Variants in SIRT5 observed in about 807,000 individuals in gnomAD.
SIRT5 encodes the protein sirtuin 5, also known as NAD-dependent protein deacylase sirtuin-5, mitochondrial.
Under a neutral mutation model 40.0 loss-of-function variants are expected in SIRT5, and 26 were observed. The observed-to-expected ratio is 0.65, with a 90% CI of 0.48 to 0.90. The LOEUF is 0.90. Ranked by LOEUF, SIRT5 falls within the 40% of genes least tolerant of loss-of-function variation. The pLI is 0.00. For synonymous variants in SIRT5, 146 were observed against 149.1 expected (o/e 0.98, Z 0.15); for missense variants, 401 against 402.4 (o/e 1.00, Z 0.03).
chr6:13,593,588 A>G (rs141690342), intron 5 of SIRT5, among the ~76,000 whole-genome samples: 266 of 152,270 alleles, frequency 1.7e-3, no homozygotes, highest in African/African-American at 6.0e-3. Flanking sequence ...TAAAATTTCA[A>G]ACGATGAGAA....
chr6:13,583,062 C>T (rs184835257), intron 2 of SIRT5, among the ~76,000 whole-genome samples: 2,232 of 151,818 alleles, frequency 0.015, 28 homozygotes, highest in Non-Finnish European at 0.02. Flanking sequence ...AAAAATTAGC[C>T]GGGCATGGTG....
chr6:13,587,270 G>A lies in SIRT5; in HGVS notation c.116-1061G>A, dbSNP rs561621027. ...GGCTCTCTGTTCTCCTCCTGGCAGC[G>A]TATGTTCAGTGTTGTACCCCTTAAT... On this transcript the variant is annotated intron_variant, in intron 3 of 9. Coordinates refer to ENST00000606117, the MANE Select transcript of SIRT5 (RefSeq NM_012241.5). Among the ~76,000 whole-genome samples, 19 of 152,298 alleles carry A rather than the reference G, an allele frequency of 1.2e-4. No individual in the cohort carries two copies. In the East Asian group the frequency reaches 2.3e-3, roughly 19 times the overall value.
intron 8 of SIRT5, among the ~76,000 whole-genome samples, chr6:13,600,532 A>C (rs1397984411): frequency 2.0e-5 from 3 of 152,238 alleles, no homozygotes. Flanking sequence ...CATTTGTTTA[A>C]CTTTAAAAAG....
intron 3 of SIRT5, among the ~76,000 whole-genome samples, chr6:13,585,515 A>G (rs1759957597): frequency 6.6e-6 from 1 of 151,910 alleles, no homozygotes; most frequent in Non-Finnish European, 1.5e-5. Flanking sequence ...TCCTTGCGAT[A>G]GTTTTCTGAG....
At chr6:13,582,735 G>A (rs1017273967) in intron 2 of SIRT5, among the ~76,000 whole-genome samples, 1 of 151,472 alleles carries the variant, frequency 6.6e-6, no homozygotes, top group Non-Finnish European at 1.5e-5. Flanking sequence ...TGTTCCAAAT[G>A]TTGTCTTTCT....
intron 1 of SIRT5, among the ~76,000 whole-genome samples, chr6:13,576,055 G>A (rs182014951): frequency 1.2e-3 from 181 of 152,314 alleles, no homozygotes; most frequent in African/African-American, 4.2e-3. Context: ...CCGGTCCTCA[G>A]TTGATGGATA....
At chr6:13,576,476 T>G (rs2328676) in intron 1 of SIRT5, among the ~76,000 whole-genome samples, 42,718 of 152,128 alleles carry the variant, frequency 0.28, 6,213 homozygotes, top group Admixed American at 0.32. Flanking sequence ...GTTCAGGTTC[T>G]TTGTCCATTT....
At chr6:13,575,412 C>T (rs1048575366) in intron 1 of SIRT5, among the ~76,000 whole-genome samples, 1 of 151,990 alleles carries the variant, frequency 6.6e-6, no homozygotes. Context: ...AGTGGAGACA[C>T]CTGGGAGTGA....
At chr6:13,609,247 C>A (rs1763526778) in intron 9 of SIRT5, among the ~76,000 whole-genome samples, 1 of 152,126 alleles carries the variant, frequency 6.6e-6, no homozygotes, top group Non-Finnish European at 1.5e-5. Flanking sequence ...CTCCTGTAGT[C>A]ACCATAAACA....
intron 1 of SIRT5, among the ~76,000 whole-genome samples, chr6:13,577,475 T>A (rs1445094176): frequency 6.6e-6 from 1 of 151,866 alleles, no homozygotes; most frequent in Non-Finnish European, 1.5e-5. Context: ...ACACCACTGA[T>A]TTTTATATGT....
At chr6:13,588,776 A>C (rs780956666) in intron 4 of SIRT5, among the ~76,000 whole-genome samples, 1 of 152,220 alleles carries the variant, frequency 6.6e-6, no homozygotes, top group Non-Finnish European at 1.5e-5. Context: ...TTCTAAAATT[A>C]TTGAACTCAA....
At position 13,613,364 on chromosome 6, in the gene SIRT5, TTAGGGGCCTTGGAATGCCTGCTG is replaced by T. The variant is rs2127750367; in HGVS notation, c.*1501_*1523del. On this transcript the variant is annotated 3_prime_UTR_variant, in exon 10 of 10. Transcript: ENST00000606117. The stretch of plus-strand genomic sequence containing the variant: ...TAACCTTTACCAGCTAACTCAGTGC[TTAGGGGCCTTGGAATGCCTGCTG>T]TCCAGCAGGTGTCACAGGCCTGACT... 6.6e-6 allele frequency: 1 copy of T among 152,366 alleles called. No individual in the cohort carries two copies. Among genetic ancestry groups the T allele is most frequent in the South Asian group, 2.1e-4 (1 of 4,826 alleles). The allele number at this position is 152,366 out of a possible 1,614,324, so 9.4% of individuals were successfully genotyped here. A position where few individuals can be genotyped will look rare whatever the true frequency, so the allele number is the denominator to read the frequency against.
chr6:13,600,426 T>C (rs940918330), intron 8 of SIRT5, among the ~76,000 whole-genome samples: 2 of 152,240 alleles, frequency 1.3e-5, no homozygotes, highest in African/African-American at 2.4e-5. Flanking sequence ...ACAGTGGTTA[T>C]CTTGCGGTAA....
chr6:13,589,411 T>C (rs1760517475), intron 4 of SIRT5: 2 of 152,380 alleles, frequency 1.3e-5, no homozygotes, highest in South Asian at 4.1e-4. Context: ...ATTACAGGCA[T>C]GAGCCACCGC....
intron 3 of SIRT5, 67 bp from the exon 4 acceptor site, chr6:13,588,260 TACAG>T: frequency 1.3e-6 from 2 of 1,548,298 alleles, no homozygotes; most frequent in Non-Finnish European, 1.7e-6. Flanking sequence ...AGTTTCAAGA[TACAG>T]ACAATTGATA....
At chr6:13,592,267 G>C (rs1761016468) in intron 5 of SIRT5, among the ~76,000 whole-genome samples, 1 of 152,178 alleles carries the variant, frequency 6.6e-6, no homozygotes, top group South Asian at 2.1e-4. Flanking sequence ...TGGCTGGCGT[G>C]CTTTTTATAC....
chr6:13,599,397 C>G (rs1045797437), intron 8 of SIRT5, among the ~76,000 whole-genome samples: 13 of 152,140 alleles, frequency 8.5e-5, no homozygotes, highest in African/African-American at 2.9e-4. Flanking sequence ...TTGGGCATCT[C>G]AAAGCCTCCT....
Position 13,605,607 on chromosome 6 carries a change from G to A in SIRT5, c.857+4658G>A, listed in dbSNP as rs946519944. The stretch of plus-strand genomic sequence containing the variant: ...CATAGAATTCTCCTCCCACAGGAAT[G>A]TATTTCTATTTTCAAGGTGTTAATT... On this transcript the variant is annotated intron_variant, in intron 9 of 9. Transcript: ENST00000606117. 3 of 985,286 alleles carry A rather than the reference G, an allele frequency of 3.0e-6. No homozygotes were observed. The African/African-American group carries it at 5.2e-5, about 17-fold the overall frequency. The allele number at this position is 985,286 out of a possible 1,614,324, so 61.0% of individuals were successfully genotyped here.
intron 1 of SIRT5, among the ~76,000 whole-genome samples, chr6:13,577,879 A>G (rs1422435773): frequency 2.0e-5 from 3 of 152,120 alleles, no homozygotes; most frequent in Non-Finnish European, 2.9e-5. Flanking sequence ...GAGAGTGAGC[A>G]TCATTGTCTT....
Sources: allele counts gnomAD v4.1 joint callset (sites outside exome capture counted in the v4.1 genomes callset), GRCh38; gene constraint gnomAD v4.1.1; transcripts MANE v1.5; gene names NCBI Gene and HGNC (gene_info 2026-07-23, HGNC 2026-07-21).